ADAM12: variants seen among roughly 807,000 people sequenced by gnomAD.
ADAM12 encodes the protein ADAM metallopeptidase domain 12, also known as disintegrin and metalloproteinase domain-containing protein 12.
ADAM12 carries 70 observed loss-of-function variants against 106.4 expected under a neutral mutation model. The observed-to-expected ratio is 0.66, with a 90% CI of 0.54 to 0.80. The LOEUF (loss-of-function observed/expected upper bound fraction) is 0.80. Among genes scored for constraint, ADAM12 ranks in the 30% least tolerant of loss-of-function variants. The pLI is 0.00. For missense variants in ADAM12, 1,010 were observed against 1,171.9 expected, an observed-to-expected ratio of 0.86 and a Z score of 2.02; for synonymous variants, 420 against 433.5, an observed-to-expected ratio of 0.97 and a Z score of 0.39.
At chr10:126,264,745 A>C (rs2133718399) in intron 3 of ADAM12, among the ~76,000 whole-genome samples, 1 of 152,032 alleles carries the variant, frequency 6.6e-6, no homozygotes, top group South Asian at 2.1e-4. Context: ...GTTTTTTTTA[A>C]CTTGCCATTG....
At chr10:126,038,952 C>CTTTTTTTTTTTTTTTTTTTTTTT (rs34277276) in intron 19 of ADAM12, among the ~76,000 whole-genome samples, 1 of 71,558 alleles carries the variant, frequency 1.4e-5, no homozygotes, top group Non-Finnish European at 2.5e-5. Context: ...GACACCATTT[C>CTTTTTTTTTTTTTTTTTTTTTTT]TTTTTTTTTT....
At position 126,079,535 on chromosome 10, in the gene ADAM12, C is replaced by T. The variant is rs576879882; in HGVS notation, c.1146-7881G>A. 3.9e-5 allele frequency among the ~76,000 whole-genome samples: 6 copies of T among 152,258 alleles called. 1 individual carries two copies. The South Asian group carries it at 6.2e-4, about 16-fold the overall frequency. On this transcript the variant is annotated intron_variant, in intron 11 of 22. Coordinates refer to ENST00000448723, the MANE Select transcript of ADAM12 (RefSeq NM_001288973.2). ...TTCCTTCTTATGGCTGGATGATATT[C>T]CATTGCAAGTGAGACCATACCACAA...
chr10:126,121,049 AT>A (rs1956082905), intron 5 of ADAM12, among the ~76,000 whole-genome samples: 1 of 117,564 alleles, frequency 8.5e-6, no homozygotes, highest in African/African-American at 3.4e-5. Flanking sequence ...AATATAATAT[AT>A]TATATGCAAT....
chr10:126,184,967 T>G (rs910970869), intron 3 of ADAM12, among the ~76,000 whole-genome samples: 1 of 152,218 alleles, frequency 6.6e-6, no homozygotes, highest in Non-Finnish European at 1.5e-5. Context: ...CTGATGGATT[T>G]AGAGACCAAG....
At chr10:126,286,666 TAG>T (rs567536023) in intron 2 of ADAM12, among the ~76,000 whole-genome samples, 7 of 152,274 alleles carry the variant, frequency 4.6e-5, no homozygotes, top group African/African-American at 1.7e-4. Context: ...CTGTGGAATT[TAG>T]AGAGGACAAA....
At chr10:126,245,113 A>G (rs2133664242) in intron 3 of ADAM12, among the ~76,000 whole-genome samples, 1 of 152,366 alleles carries the variant, frequency 6.6e-6, no homozygotes, top group Admixed American at 6.5e-5. Context: ...AGGCACCAGG[A>G]CATCCCCTCG....
chr10:126,373,376 C>T (rs1312304301), intron 1 of ADAM12, among the ~76,000 whole-genome samples: 3 of 152,176 alleles, frequency 2.0e-5, no homozygotes, highest in Non-Finnish European at 4.4e-5. Flanking sequence ...AGCTTGGCCC[C>T]ATCATTAGCA....
intron 1 of ADAM12, among the ~76,000 whole-genome samples, chr10:126,384,866 G>A (rs1283376583): frequency 6.6e-6 from 1 of 152,140 alleles, no homozygotes; most frequent in Admixed American, 6.5e-5. Context: ...TATCTACCTG[G>A]AGAAAGCATC....
chr10:126,367,057 A>T (rs1307894639), intron 1 of ADAM12, among the ~76,000 whole-genome samples: 1 of 151,028 alleles, frequency 6.6e-6, no homozygotes, highest in African/African-American at 2.5e-5. Context: ...AGATTTGATA[A>T]CACCATCAAC....
intron 4 of ADAM12, among the ~76,000 whole-genome samples, chr10:126,141,669 C>T (rs548243355): frequency 2.4e-4 from 36 of 152,254 alleles, no homozygotes; most frequent in African/African-American, 8.4e-4. Context: ...TAAAATCAAA[C>T]GTCTGTTACC....
At chr10:126,183,282 A>G (rs1957346266) in intron 3 of ADAM12, among the ~76,000 whole-genome samples, 1 of 152,232 alleles carries the variant, frequency 6.6e-6, no homozygotes, top group African/African-American at 2.4e-5. Flanking sequence ...TGCATAATAA[A>G]TGTAATAAGC....
intron 21 of ADAM12, among the ~76,000 whole-genome samples, chr10:126,031,787 A>T (rs1953975356): frequency 6.6e-6 from 1 of 152,210 alleles, no homozygotes; most frequent in South Asian, 2.1e-4. Context: ...TTTTGACAGC[A>T]TCACTGAACT....
chr10:126,376,055 T>A (rs1188292909), intron 1 of ADAM12, among the ~76,000 whole-genome samples: 1 of 151,816 alleles, frequency 6.6e-6, no homozygotes, highest in Non-Finnish European at 1.5e-5. Context: ...GCTAATCCTT[T>A]TGTTTATCAT....
intron 22 of ADAM12, 58 bp from the exon 23 acceptor site, chr10:126,017,397 A>G: frequency 1.4e-6 from 2 of 1,477,652 alleles, no homozygotes; most frequent in South Asian, 2.4e-5. Context: ...GATTCTGAGG[A>G]TAGAGAGGTC....
intron 2 of ADAM12, among the ~76,000 whole-genome samples, chr10:126,306,007 C>T (rs911911824): frequency 4.0e-5 from 6 of 151,856 alleles, no homozygotes; most frequent in Admixed American, 3.9e-4. Context: ...TAAAGTGTAT[C>T]TCTTGTAAAT....
intron 16 of ADAM12, among the ~76,000 whole-genome samples, chr10:126,047,128 C>G (rs569390650): frequency 1.3e-5 from 2 of 152,320 alleles, no homozygotes; most frequent in African/African-American, 4.8e-5. Flanking sequence ...ATAATATACT[C>G]CAGACTCAAG....
chr10:126,344,551 T>G (rs1361252864), intron 1 of ADAM12, among the ~76,000 whole-genome samples: 2 of 152,236 alleles, frequency 1.3e-5, no homozygotes, highest in Admixed American at 1.3e-4. Flanking sequence ...TTTTTCCAAC[T>G]CTGTGAAGAA....
chr10:126,126,418 C>T (rs1232194672), intron 5 of ADAM12, among the ~76,000 whole-genome samples: 4 of 152,132 alleles, frequency 2.6e-5, no homozygotes, highest in African/African-American at 9.7e-5. Flanking sequence ...GCTCCCTTTA[C>T]ACACCCAGGG....
At chr10:126,237,026 T>G (rs534890053) in intron 3 of ADAM12, among the ~76,000 whole-genome samples, 75 of 152,272 alleles carry the variant, frequency 4.9e-4, no homozygotes, top group African/African-American at 1.8e-3. Context: ...TCAGTGATAA[T>G]GCTCTCCTCC....
Sources: gnomAD v4.1 joint callset for allele counts (sites outside exome capture counted in the v4.1 genomes callset) on GRCh38, gnomAD v4.1.1 for gene constraint, MANE v1.5 for transcripts, NCBI Gene and HGNC (gene_info 2026-07-23, HGNC 2026-07-21) for gene names.